The following NRXN3 variants were observed in gnomAD, a reference collection of about 807,000 sequenced individuals.
NRXN3 encodes the protein neurexin 3.
In NRXN3, 32 loss-of-function variants were observed where a neutral mutation model predicts 137.6. The ratio of observed to expected loss-of-function variants is 0.23; its 90% confidence interval spans 0.18 to 0.31. The LOEUF is 0.31. Ranked by LOEUF, NRXN3 falls within the 10% of genes least tolerant of loss-of-function variation. The probability of loss-of-function intolerance (pLI) is 1.00; values close to 1 mark genes in which losing one functional copy is unlikely to be tolerated. For missense variants in NRXN3, 1,574 were observed against 2,062.5 expected (o/e 0.76, Z 4.59); for synonymous variants, 798 against 784.5 (o/e 1.02, Z -0.29).
Position 79,344,185 on chromosome 14 carries a change from T to A in NRXN3, c.3263-123036T>A, listed in dbSNP as rs78273504. ...GAGGCAAGCCCTGAAGTCAAAAGTT[T>A]TAAGTGAAATAGGTGGGGTTGTGCT... On this transcript the variant is annotated intron_variant, in intron 15 of 20. Coordinates refer to ENST00000335750, the MANE Select transcript of NRXN3 (RefSeq NM_001330195.2). Among the ~76,000 whole-genome samples the A allele has an allele frequency of 3.0e-3, 454 of 152,218 alleles. 7 individuals carry two copies. The South Asian group carries it at 0.043, about 15-fold the overall frequency.
intron 15 of NRXN3, among the ~76,000 whole-genome samples, chr14:79,263,446 G>C (rs1286792368): frequency 6.6e-6 from 1 of 152,154 alleles, no homozygotes; most frequent in Non-Finnish European, 1.5e-5. Context: ...TGGTAAATGT[G>C]TGTGTGTTTA....
intron 4 of NRXN3, among the ~76,000 whole-genome samples, chr14:78,431,175 T>C (rs2093863663): frequency 6.6e-6 from 1 of 152,218 alleles, no homozygotes; most frequent in South Asian, 2.1e-4. Context: ...CTAGGTGTGG[T>C]TCCCTCTTTA....
intron 10 of NRXN3, among the ~76,000 whole-genome samples, chr14:78,827,638 GA>G (rs1224040013): frequency 6.6e-6 from 1 of 152,180 alleles, no homozygotes; most frequent in East Asian, 1.9e-4. Flanking sequence ...ATGTCTTGCT[GA>G]AAAAAATAAT....
intron 15 of NRXN3, among the ~76,000 whole-genome samples, chr14:79,223,475 C>G (rs2070192772): frequency 6.6e-6 from 1 of 152,082 alleles, no homozygotes. Flanking sequence ...GCCATCTTCT[C>G]TTTTAGAAAT....
intron 4 of NRXN3, among the ~76,000 whole-genome samples, chr14:78,307,556 T>G (rs959684344): frequency 2.0e-5 from 3 of 152,136 alleles, no homozygotes; most frequent in African/African-American, 7.2e-5. Flanking sequence ...CTGTTTTTGA[T>G]GAAGCGCAGG....
chr14:79,245,392 G>T (rs573880159), intron 15 of NRXN3, among the ~76,000 whole-genome samples: 118 of 152,086 alleles, frequency 7.8e-4, no homozygotes, highest in African/African-American at 2.7e-3. Context: ...ACCATGGGAA[G>T]AGAAGGAGAG....
chr14:78,220,221 C>G (rs2063703074), intron 1 of NRXN3, among the ~76,000 whole-genome samples: 1 of 152,056 alleles, frequency 6.6e-6, no homozygotes, highest in African/African-American at 2.4e-5. Flanking sequence ...GCATCCAGGA[C>G]TAAGAGGGTC....
intron 4 of NRXN3, among the ~76,000 whole-genome samples, chr14:78,605,547 C>T (rs2097243119): frequency 6.6e-6 from 1 of 152,044 alleles, no homozygotes; most frequent in African/African-American, 2.4e-5. Context: ...AATTTAATGT[C>T]ATATAAAAAT....
chr14:79,387,575 C>T lies in NRXN3; in HGVS notation c.3263-79646C>T, dbSNP rs560231264. Reference sequence around the variant, plus strand: ...CCTCAGGGATCTAGAACTAGAAATACCATTTGACCCAACCATCCCATTACT... The same window carrying T: ...CCTCAGGGATCTAGAACTAGAAATATCATTTGACCCAACCATCCCATTACT... On this transcript the variant is annotated intron_variant, in intron 15 of 20. Transcript: ENST00000335750. Among the ~76,000 whole-genome samples the T allele has an allele frequency of 7.5e-3, 1,143 of 152,224 alleles. 16 individuals carry two copies. Among genetic ancestry groups the T allele is most frequent in the African/African-American group, 0.026 (1,081 of 41,530 alleles).
intron 15 of NRXN3, among the ~76,000 whole-genome samples, chr14:79,217,028 C>T (rs2068637744): frequency 6.6e-6 from 1 of 151,642 alleles, no homozygotes; most frequent in Non-Finnish European, 1.5e-5. Flanking sequence ...TCCCAGCTAC[C>T]CGGGAGGCTG....
chr14:78,265,967 C>A (rs2071627498), intron 2 of NRXN3, among the ~76,000 whole-genome samples: 1 of 152,210 alleles, frequency 6.6e-6, no homozygotes, highest in Non-Finnish European at 1.5e-5. Context: ...CAGTGCCTAG[C>A]ACCATCCCTG....
intron 10 of NRXN3, among the ~76,000 whole-genome samples, chr14:78,835,524 C>T (rs1003054783): frequency 1.3e-5 from 2 of 152,136 alleles, no homozygotes; most frequent in African/African-American, 4.8e-5. Flanking sequence ...GGGCACTTGG[C>T]ATCCAGTTTC....
chr14:79,863,239 A>G lies in NRXN3; in HGVS notation c.*1275A>G, dbSNP rs753342955. ...CTTCCATTTGCTCACTTCTCTCTTC[A>G]CCCATCTTTTTTAAAAACAAATAAA... On this transcript the variant is annotated 3_prime_UTR_variant, in exon 21 of 21. Coordinates refer to ENST00000335750, the MANE Select transcript of NRXN3 (RefSeq NM_001330195.2). 6.6e-6 allele frequency: 1 copy of G among 152,284 alleles called. No homozygotes were observed. The allele number at this position is 152,284 out of a possible 1,614,324, so 9.4% of individuals were successfully genotyped here. A position where few individuals can be genotyped will look rare whatever the true frequency, so the allele number is the denominator to read the frequency against.
chr14:78,297,307 A>G (rs1466032907), intron 3 of NRXN3, among the ~76,000 whole-genome samples: 2 of 152,196 alleles, frequency 1.3e-5, no homozygotes, highest in Admixed American at 1.3e-4. Flanking sequence ...AGAAAAGACT[A>G]TCTAGAGAAA....
At chr14:79,075,663 C>A (rs2045849846) in intron 15 of NRXN3, among the ~76,000 whole-genome samples, 1 of 152,072 alleles carries the variant, frequency 6.6e-6, no homozygotes, top group African/African-American at 2.4e-5. Context: ...CATTTTTATA[C>A]CTGCAATGCT....
chr14:79,158,721 G>A lies in NRXN3; in HGVS notation c.3262+170580G>A, dbSNP rs117804006. 5.0e-3 allele frequency among the ~76,000 whole-genome samples: 765 copies of A among 151,810 alleles called. 3 individuals are homozygous for A. The highest frequency in any genetic ancestry group is 9.1e-3 in the Admixed American group (138 of 15,230). On this transcript the variant is annotated intron_variant, in intron 15 of 20. Transcript: ENST00000335750. ...TTTATTTCTCAACATAAGCTCCATCGGGTTCAAGACATTTTTGTAAGCTAT... is the reference window on the plus strand; with the variant it reads ...TTTATTTCTCAACATAAGCTCCATCAGGTTCAAGACATTTTTGTAAGCTAT...
chr14:79,063,644 G>A (rs1004494203), intron 15 of NRXN3, among the ~76,000 whole-genome samples: 1 of 152,124 alleles, frequency 6.6e-6, no homozygotes, highest in Admixed American at 6.6e-5. Flanking sequence ...CATCATCACA[G>A]GCATTTCTAT....
chr14:79,174,797 G>T (rs2062143517), intron 15 of NRXN3, among the ~76,000 whole-genome samples: 1 of 151,978 alleles, frequency 6.6e-6, no homozygotes, highest in African/African-American at 2.4e-5. Flanking sequence ...TTTCCACAAT[G>T]TATTGTTAAG....
intron 16 of NRXN3, among the ~76,000 whole-genome samples, chr14:79,546,588 G>T (rs2097323193): frequency 6.6e-6 from 1 of 152,136 alleles, no homozygotes; most frequent in South Asian, 2.1e-4. Context: ...CCTTTTGGCG[G>T]GTAGTAGAGA....
Sources: gnomAD v4.1 joint callset for allele counts (sites outside exome capture counted in the v4.1 genomes callset) on GRCh38, gnomAD v4.1.1 for gene constraint, MANE v1.5 for transcripts, NCBI Gene and HGNC (gene_info 2026-07-23, HGNC 2026-07-21) for gene names.